SAP130: variants seen among roughly 807,000 people sequenced by gnomAD.
SAP130 encodes Sin3A associated protein 130.
Under a neutral mutation model 103.2 loss-of-function variants are expected in SAP130, and 16 were observed. That is an observed-to-expected ratio of 0.16 (90% confidence interval 0.10 to 0.24). The LOEUF (loss-of-function observed/expected upper bound fraction) is 0.24, where lower values mean the gene tolerates loss of function less well. Among genes scored for constraint, SAP130 ranks in the 10% least tolerant of loss-of-function variants. The probability of loss-of-function intolerance (pLI) is 1.00; values close to 1 mark genes in which losing one functional copy is unlikely to be tolerated. For missense variants in SAP130, 990 were observed against 1,359.7 expected, an observed-to-expected ratio of 0.73 and a Z score of 4.28; for synonymous variants, 477 against 497.0, an observed-to-expected ratio of 0.96 and a Z score of 0.53.
chr2:128,017,232 G>A, intron 3 of SAP130, among the ~76,000 whole-genome samples: 1 of 152,224 alleles, frequency 6.6e-6, no homozygotes, highest in Non-Finnish European at 1.5e-5. Flanking sequence ...TGAGGCTGCA[G>A]AACCGCTTGA....
rs551358642 is a variant in SAP130, at chr2:127,960,233, G to C, written c.2064-4889C>G. ...TGAAGAGGTGCTCTTACAAATCAAG[G>C]GGGTAAATCAAGAAAAAGGAAGCAT... On this transcript the variant is annotated intron_variant, in intron 15 of 20. Coordinates refer to ENST00000643581, the MANE Select transcript of SAP130 (RefSeq NM_001330301.2). Among the ~76,000 whole-genome samples, 6 of 152,230 alleles carry C rather than the reference G, an allele frequency of 3.9e-5. No individual in the cohort carries two copies. The South Asian group carries it at 1.2e-3, about 32-fold the overall frequency.
intron 18 of SAP130, 96 bp downstream of exon 18, chr2:127,949,750 TAACAAAAACTTATGGTTTTTTTG>T: frequency 1.9e-6 from 2 of 1,070,678 alleles, no homozygotes; most frequent in Non-Finnish European, 2.7e-6. Flanking sequence ...CAAGATTTTG[TAACAAAAACTTATGGTTTTTTTG>T]AAACCGGAAA....
intron 2 of SAP130, among the ~76,000 whole-genome samples, chr2:128,023,419 A>C (rs547486196): frequency 6.6e-6 from 1 of 152,310 alleles, no homozygotes; most frequent in East Asian, 1.9e-4. Context: ...CTGGGATAAC[A>C]GGCATGAGCC....
chr2:127,980,142 G>A (rs567813963), intron 14 of SAP130, among the ~76,000 whole-genome samples: 1 of 152,176 alleles, frequency 6.6e-6, no homozygotes, highest in East Asian at 1.9e-4. Context: ...GCCTCCCAAA[G>A]TGCTGGGATT....
chr2:127,959,140 G>A (rs1384715016), intron 15 of SAP130, among the ~76,000 whole-genome samples: 1 of 152,188 alleles, frequency 6.6e-6, no homozygotes, highest in East Asian at 1.9e-4. Flanking sequence ...GGAGAAAAAG[G>A]CACATTGTCT....
Position 128,026,312 on chromosome 2 carries a change from A to G in SAP130, c.-6-14T>C, listed in dbSNP as rs774289194. 6.5e-7 allele frequency: 1 copy of G among 1,541,682 alleles called. No homozygotes were observed. Among genetic ancestry groups the G allele is most frequent in the Non-Finnish European group, 9.0e-7 (1 of 1,113,968 alleles). On this transcript the variant is annotated splice_polypyrimidine_tract_variant and intron_variant, in intron 1 of 20. Transcript: ENST00000643581. ...ACTCATTTCCACCTGTAGTACATAC[A>G]GTTATATGGTTATTACTAGATTCTG...
rs751866039 is a variant in SAP130, at chr2:127,986,868, GTGGGTC to G, written c.1869_1874del (p.Gln623_Thr624del). ...GAGCGTTGGTGCTAGCACTCTGGCTGTGGGTCTGCACCACGGTTGTTGCTGCTGGAG... is the reference window on the plus strand; with the variant it reads ...GAGCGTTGGTGCTAGCACTCTGGCTGTGCACCACGGTTGTTGCTGCTGGAG... On this transcript the variant is annotated inframe_deletion, in exon 14 of 21. Coordinates refer to ENST00000643581, the MANE Select transcript of SAP130 (RefSeq NM_001330301.2). The surrounding 1 kb of genome is among the most constrained non-coding windows in gnomAD (Gnocchi z 4.7). The G allele has an allele frequency of 6.2e-7, 1 of 1,614,268 alleles. No individual in the cohort carries two copies. Among genetic ancestry groups the G allele is most frequent in the East Asian group, 2.2e-5 (1 of 44,888 alleles).
At chr2:128,010,581 G>A (rs867892766) in intron 6 of SAP130, among the ~76,000 whole-genome samples, 188 bp from the exon 7 acceptor site, 14 of 152,224 alleles carry the variant, frequency 9.2e-5, no homozygotes, top group African/African-American at 2.2e-4. Context: ...GAGCCAGGCC[G>A]GGCACGGTGG....
chr2:127,947,764 C>CTGTGTGTGTGTGTGTGTG (rs1553500423), intron 18 of SAP130, among the ~76,000 whole-genome samples: 32 of 143,306 alleles, frequency 2.2e-4, no homozygotes, highest in Non-Finnish European at 3.2e-4. Context: ...TTGTGTGTGT[C>CTGTGTGTGTGTGTGTGTG]TGTGTGTGTG....
At chr2:127,976,104 C>T (rs1681444453) in intron 15 of SAP130, among the ~76,000 whole-genome samples, 1 of 152,162 alleles carries the variant, frequency 6.6e-6, no homozygotes, top group Admixed American at 6.5e-5. Context: ...CCTCGGCCTC[C>T]CAAAGTTCTG....
chr2:127,941,662 G>T lies in SAP130; in HGVS notation c.*344C>A. ...TCCAGGCTCAGTATGGGGCCTGCAG[G>T]AATCCACTAGATAAATACAGTCTAT... On this transcript the variant is annotated 3_prime_UTR_variant, in exon 21 of 21. Transcript: ENST00000643581. 3.8e-6 allele frequency: 1 copy of T among 262,680 alleles called. No homozygotes were observed. The highest frequency in any genetic ancestry group is 7.1e-6 in the Non-Finnish European group (1 of 139,966). The allele number at this position is 262,680 out of a possible 1,614,324, so 16.3% of individuals were successfully genotyped here. A position where few individuals can be genotyped will look rare whatever the true frequency, so the allele number is the denominator to read the frequency against.
At chr2:127,945,013 T>G (rs1000254962) in intron 19 of SAP130, among the ~76,000 whole-genome samples, 12 of 152,024 alleles carry the variant, frequency 7.9e-5, no homozygotes, top group Admixed American at 7.2e-4. Flanking sequence ...ATTGGAATAC[T>G]GGAAGCTGGC....
In SAP130 at chr2:127,996,777, T is replaced by A. The variant is rs145684050; in HGVS notation, c.1214-286A>T. The stretch of plus-strand genomic sequence containing the variant: ...CCCAACCTGGCTTTTTAATGACAGA[T>A]GCGGTGGCTCACATCTGTCATCTCA... On this transcript the variant is annotated intron_variant, in intron 10 of 20. Transcript: ENST00000643581. This position sits in a 1 kb window ranked among gnomAD's most constrained non-coding sequence, Gnocchi z 4.3. Among the ~76,000 whole-genome samples, 20 of 152,192 alleles carry A rather than the reference T, an allele frequency of 1.3e-4. No homozygotes were observed. The East Asian group carries it at 3.9e-3, about 29-fold the overall frequency.
intron 6 of SAP130, among the ~76,000 whole-genome samples, chr2:128,011,730 C>T (rs1684409372): frequency 6.6e-6 from 1 of 152,122 alleles, no homozygotes; most frequent in South Asian, 2.1e-4. Context: ...TATCTTAAAC[C>T]CAGTTGTTTC....
At chr2:127,988,429 TA>T (rs11380500) in intron 13 of SAP130, among the ~76,000 whole-genome samples, 445 of 126,292 alleles carry the variant, frequency 3.5e-3, no homozygotes, top group Middle Eastern at 0.012. Flanking sequence ...CTTGTCTTTT[TA>T]AAAAAAAAAA....
intron 14 of SAP130, among the ~76,000 whole-genome samples, chr2:127,978,674 T>C (rs932505674): frequency 6.6e-6 from 1 of 151,992 alleles, no homozygotes; most frequent in Non-Finnish European, 1.5e-5. Flanking sequence ...TGAGAGAAAA[T>C]AACTAGACAG....
intron 2 of SAP130, among the ~76,000 whole-genome samples, chr2:128,020,823 C>A (rs953777176): frequency 4.0e-5 from 6 of 151,812 alleles, no homozygotes; most frequent in African/African-American, 1.5e-4. Context: ...ATGGTGAAAC[C>A]CCGTCTCCAC....
Position 127,989,632 on chromosome 2 carries a change from A to G in SAP130, c.1712T>C (p.Ile571Thr). ...GTQGIHSATP[I>T]NTQGLQPAPM... ...TGCAGGCTGAAGCCCTTGTGTGTTG[A>G]TTGGGGTTGCTGAGTGAATTCCCTG... The change falls in exon 13 of 21, where the codon ATC (isoleucine) becomes ACC (threonine). Residue 571 changes from isoleucine to threonine, a missense_variant. By Grantham distance (89) the Ile-to-Thr change is moderately conservative. Transcript: ENST00000643581. The surrounding 1 kb of genome is among the most constrained non-coding windows in gnomAD (Gnocchi z 4.6). The G allele has an allele frequency of 6.2e-7, 1 of 1,614,092 alleles. No homozygotes were observed.
intron 14 of SAP130, among the ~76,000 whole-genome samples, chr2:127,983,441 G>GT (rs1682101794): frequency 6.6e-6 from 1 of 152,166 alleles, no homozygotes; most frequent in South Asian, 2.1e-4. Context: ...TCTGAAAATG[G>GT]CAGTGAGGCA....
Sources: allele counts gnomAD v4.1 joint callset (sites outside exome capture counted in the v4.1 genomes callset), GRCh38; gene constraint gnomAD v4.1.1; non-coding constraint Gnocchi (gnomAD v3.1); transcripts MANE v1.5; gene names NCBI Gene and HGNC (gene_info 2026-07-23, HGNC 2026-07-21).